The following KMT2C variants were observed in gnomAD, a reference collection of about 807,000 sequenced individuals.
KMT2C encodes histone-lysine N-methyltransferase 2C.
In KMT2C, 88 loss-of-function variants were observed where a neutral mutation model predicts 507.9. The observed-to-expected ratio is 0.17, with a 90% CI of 0.15 to 0.21. The LOEUF (loss-of-function observed/expected upper bound fraction) is 0.21. KMT2C is among the 10% of genes least tolerant of loss of function. The pLI is 1.00. For missense variants in KMT2C, 4,954 were observed against 5,957.8 expected (o/e 0.83, Z 5.55); for synonymous variants, 2,049 against 2,080.8 (o/e 0.98, Z 0.42).
intron 1 of KMT2C, among the ~76,000 whole-genome samples, chr7:152,426,925 A>G (rs1440656792): frequency 3.3e-5 from 5 of 152,136 alleles, no homozygotes; most frequent in Non-Finnish European, 5.9e-5. Context: ...TTGTCAAATG[A>G]TTTACCATTT....
At chr7:152,297,051 A>AAGAAAGAAAGAC (rs1356233143) in intron 6 of KMT2C, among the ~76,000 whole-genome samples, 1,115 of 59,844 alleles carry the variant, frequency 0.019, 14 homozygotes, top group Non-Finnish European at 0.022. Flanking sequence ...GAAAGAAAGA[A>AAGAAAGAAAGAC]AGACAGAGAG....
intron 52 of KMT2C, among the ~76,000 whole-genome samples, chr7:152,147,723 AAAAAAGAAAAAG>A (rs893257742): frequency 5.2e-5 from 7 of 133,992 alleles, no homozygotes; most frequent in African/African-American, 6.3e-5. Flanking sequence ...AAAAAAAAAA[AAAAAAGAAAAAG>A]AAAAAGAAAA....
At chr7:152,212,727 T>C (rs1297080087) in intron 23 of KMT2C, among the ~76,000 whole-genome samples, 2 of 152,144 alleles carry the variant, frequency 1.3e-5, no homozygotes, top group African/African-American at 4.8e-5. Flanking sequence ...CTAAACACTA[T>C]AAAATATTGA....
chr7:152,308,321 A>G (rs1371761033), intron 6 of KMT2C, among the ~76,000 whole-genome samples: 1 of 152,140 alleles, frequency 6.6e-6, no homozygotes, highest in African/African-American at 2.4e-5. Context: ...TCTAAGGTCA[A>G]AATTTCCAGT....
chr7:152,201,834 C>T (rs1770758474), intron 26 of KMT2C, among the ~76,000 whole-genome samples: 1 of 152,036 alleles, frequency 6.6e-6, no homozygotes, highest in Non-Finnish European at 1.5e-5. Flanking sequence ...TTCTGAGAGG[C>T]ACCACTATGT....
At chr7:152,297,033 G>GAAAGAAAGAA (rs2096510385) in intron 6 of KMT2C, among the ~76,000 whole-genome samples, 1 of 94,190 alleles carries the variant, frequency 1.1e-5, no homozygotes, top group East Asian at 3.0e-4. Flanking sequence ...AAGAAAGAAA[G>GAAAGAAAGAA]AAAGAAAGAA....
intron 4 of KMT2C, among the ~76,000 whole-genome samples, chr7:152,313,445 T>G (rs2129201447): frequency 6.6e-6 from 1 of 152,158 alleles, no homozygotes; most frequent in Non-Finnish European, 1.5e-5. Flanking sequence ...ATCAGTAAGA[T>G]ATCAATGTCA....
chr7:152,147,962 T>G, intron 52 of KMT2C, 71 bp downstream of exon 52: 2 of 1,452,534 alleles, frequency 1.4e-6, no homozygotes, highest in South Asian at 3.0e-5. Context: ...CATGGAAAAT[T>G]GACAAAATAC....
intron 1 of KMT2C, among the ~76,000 whole-genome samples, chr7:152,422,240 A>T (rs1302163441): frequency 1.3e-5 from 2 of 149,068 alleles, no homozygotes; most frequent in African/African-American, 2.5e-5. Flanking sequence ...TGAGGTCAGT[A>T]TTTCGAGACC....
intron 1 of KMT2C, among the ~76,000 whole-genome samples, chr7:152,428,774 A>C (rs572379966): frequency 2.6e-5 from 4 of 152,274 alleles, no homozygotes; most frequent in African/African-American, 7.2e-5. Context: ...AGACTTCCCC[A>C]AGGCTGTTAT....
intron 1 of KMT2C, among the ~76,000 whole-genome samples, chr7:152,373,770 G>A (rs2097308229): frequency 6.6e-6 from 1 of 151,866 alleles, no homozygotes; most frequent in African/African-American, 2.4e-5. Context: ...TACTGTAATA[G>A]AAAGAGATAT....
chr7:152,182,247 A>G lies in KMT2C; in HGVS notation c.5613T>C (p.Ala1871=), dbSNP rs1305778500. 6.2e-7 allele frequency: 1 copy of G among 1,614,062 alleles called. No individual in the cohort carries two copies. Among genetic ancestry groups the G allele is most frequent in the South Asian group, 1.1e-5 (1 of 91,060 alleles). ...RIPIQDSLSQ[A]QTSQPPSPQV... ...GCGGTGAGGGTGGCTGAGAAGTCTG[A>G]GCCTGAGAAAGACTATCCTGGATGG... The change falls in exon 36 of 59, where the codon GCT becomes GCC. Residue 1871 remains alanine, a synonymous_variant. Coordinates refer to ENST00000262189, the MANE Select transcript of KMT2C (RefSeq NM_170606.3).
intron 55 of KMT2C, among the ~76,000 whole-genome samples, chr7:152,141,955 G>A (rs1317096255): frequency 3.9e-5 from 6 of 152,020 alleles, no homozygotes; most frequent in Non-Finnish European, 7.4e-5. Flanking sequence ...CCAGGAGATC[G>A]AAGCTGCAGT....
chr7:152,137,615 T>G (rs145973271), intron 58 of KMT2C: 2 of 152,344 alleles, frequency 1.3e-5, no homozygotes, highest in Non-Finnish European at 2.9e-5. Flanking sequence ...AGGAAACCAG[T>G]GTTTATTGAG....
At chr7:152,349,100 C>G (rs574558010) in intron 2 of KMT2C, among the ~76,000 whole-genome samples, 1 of 152,098 alleles carries the variant, frequency 6.6e-6, no homozygotes, top group African/African-American at 2.4e-5. Context: ...TCCATCCAAA[C>G]AATACAATAT....
chr7:152,390,379 C>T (rs113167676), intron 1 of KMT2C, among the ~76,000 whole-genome samples: 1 of 146,016 alleles, frequency 6.8e-6, no homozygotes, highest in Non-Finnish European at 1.5e-5. Context: ...TTACCAGTTC[C>T]ACAAAGGAAC....
chr7:152,269,669 A>C (rs1337957634), intron 7 of KMT2C, among the ~76,000 whole-genome samples: 1 of 152,208 alleles, frequency 6.6e-6, no homozygotes, highest in Admixed American at 6.5e-5. Flanking sequence ...CTTGACTACT[A>C]ATCAAATTGA....
At chr7:152,410,243 C>T (rs2097666873) in intron 1 of KMT2C, among the ~76,000 whole-genome samples, 1 of 152,270 alleles carries the variant, frequency 6.6e-6, no homozygotes, top group Non-Finnish European at 1.5e-5. Flanking sequence ...AACCCCGTCT[C>T]TACTAAAAAC....
chr7:152,357,624 C>T (rs1461436068), intron 2 of KMT2C, among the ~76,000 whole-genome samples: 1 of 151,648 alleles, frequency 6.6e-6, no homozygotes, highest in South Asian at 2.1e-4. Flanking sequence ...AAAAAAAAAC[C>T]ATATGAAAAA....
Sources: gnomAD v4.1 joint callset for allele counts (sites outside exome capture counted in the v4.1 genomes callset) on GRCh38, gnomAD v4.1.1 for gene constraint, MANE v1.5 for transcripts, NCBI Gene and HGNC (gene_info 2026-07-23, HGNC 2026-07-21) for gene names.